Variants in GAREM2 observed in about 807,000 individuals in gnomAD.
The protein encoded by GAREM2 is GRB2 associated regulator of MAPK1 subtype 2.
A neutral mutation model predicts 55.6 loss-of-function variants in GAREM2; 30 were observed. That is an observed-to-expected ratio of 0.54 (90% CI 0.40 to 0.73). The LOEUF (loss-of-function observed/expected upper bound fraction) is 0.73. GAREM2 is among the 30% of genes least tolerant of loss of function. The probability of loss-of-function intolerance (pLI) is 0.00; values close to 1 mark genes in which losing one functional copy is unlikely to be tolerated. For missense variants in GAREM2, 1,075 were observed against 1,257.7 expected (o/e 0.85, Z 2.20); for synonymous variants, 550 against 569.1 (o/e 0.97, Z 0.48).
At position 26,188,022 on chromosome 2, in the gene GAREM2, C is replaced by A; in HGVS notation, c.2390C>A (p.Ala797Asp). Residue 797 changes from alanine to aspartate, a missense_variant, in exon 6 of 6, where the codon GCC becomes GAC. Around this residue, in one of 6 missense-constraint regions of GAREM2, gnomAD observed 142 missense variants for 172.3 expected, o/e 0.82. Coordinates refer to ENST00000401533, the MANE Select transcript of GAREM2 (RefSeq NM_001168241.2). ...DGATGFGVRD[A>D]SSWQPPADLS... is the part of the protein sequence containing the mutation. ...GCCACAGGCTTTGGAGTCCGAGATG[C>A]CTCCTCCTGGCAGCCCCCTGCTGAC... 6.7e-7 allele frequency: 1 copy of A among 1,493,170 alleles called. No individual in the cohort carries two copies. The highest frequency in any genetic ancestry group is 9.0e-7 in the Non-Finnish European group (1 of 1,112,644). The allele number at this position is 1,493,170 out of a possible 1,614,324, so 92.5% of individuals were successfully genotyped here. A position where few individuals can be genotyped will look rare whatever the true frequency, so the allele number is the denominator to read the frequency against.
chr2:26,182,908 G>A (rs987021047), intron 2 of GAREM2, 59 bp from the exon 3 acceptor site: 14 of 1,537,876 alleles, frequency 9.1e-6, no homozygotes, highest in Admixed American at 2.0e-5. Flanking sequence ...CTCTTGGGAC[G>A]CAGGCTAGAC....
the GAREM2 span, chr2:26,203,937 C>T: frequency 1.6e-5 from 15 of 953,068 alleles, no homozygotes; most frequent in African/African-American, 2.4e-4. Flanking sequence ...TCATTATGTT[C>T]AGGAAAAAGG....
At chr2:26,176,928 T>G (rs947259502) in intron 2 of GAREM2, among the ~76,000 whole-genome samples, 5 of 152,212 alleles carry the variant, frequency 3.3e-5, no homozygotes, top group Non-Finnish European at 7.3e-5. Context: ...CTCTCCGCGC[T>G]GATCCTGTTT....
At chr2:26,200,967 C>T in the GAREM2 span, among the ~76,000 whole-genome samples, 3 of 152,026 alleles carry the variant, frequency 2.0e-5, no homozygotes, top group Admixed American at 6.6e-5. Flanking sequence ...CTCCTTACCT[C>T]GTGATCCGCC....
chr2:26,204,254 G>A, the GAREM2 span: 2 of 1,506,008 alleles, frequency 1.3e-6, no homozygotes, highest in Admixed American at 3.3e-5. Context: ...TTCAGTCAAA[G>A]TGGAAGATTG....
chr2:26,184,995 C>T lies in GAREM2; in HGVS notation c.1147C>T (p.Pro383Ser), dbSNP rs1669188391. 1 of 1,128,162 alleles carries T rather than the reference C, an allele frequency of 8.9e-7. No homozygotes were observed. Among genetic ancestry groups the T allele is most frequent in the Non-Finnish European group, 1.1e-6 (1 of 922,732 alleles). 69.9% of individuals were successfully genotyped at this position (1,128,162 alleles called of 1,614,324 possible). A position where few individuals can be genotyped will look rare whatever the true frequency, so the allele number is the denominator to read the frequency against. The change falls in exon 4 of 6, where the codon CCC (proline) becomes TCC (serine). Residue 383 changes from proline to serine, a missense_variant. Physicochemically the swap from Pro to Ser is moderately conservative, Grantham distance 74. Coordinates refer to ENST00000401533, the MANE Select transcript of GAREM2 (RefSeq NM_001168241.2). Reference protein sequence around the residue: ...ASPRRARLCLPAPRAPGLARA... With the variant: ...ASPRRARLCLSAPRAPGLARA... ...CCCGCGCCGCGCGCGCCTCTGCCTG[C>T]CCGCGCCGCGCGCCCCCGGGCTCGC...
chr2:26,185,662 A>G (rs1400925177), intron 4 of GAREM2, among the ~76,000 whole-genome samples: 1 of 152,114 alleles, frequency 6.6e-6, no homozygotes, highest in Non-Finnish European at 1.5e-5. Context: ...CTCATATTGG[A>G]GTCACAGAGC....
At chr2:26,180,834 T>C in intron 2 of GAREM2, 3 of 796,262 alleles carry the variant, frequency 3.8e-6, no homozygotes, top group Non-Finnish European at 4.6e-6. Context: ...GCCAGGCTGG[T>C]CTCAAACTGC....
intron 1 of GAREM2, 35 bp downstream of exon 1, chr2:26,173,367 G>T: frequency 1.7e-6 from 2 of 1,204,244 alleles, no homozygotes; most frequent in Non-Finnish European, 2.2e-6. Flanking sequence ...ACCGGGGTCC[G>T]CGGGGAAATG....
the GAREM2 span, chr2:26,197,797 A>T: frequency 5.8e-6 from 7 of 1,216,972 alleles, no homozygotes; most frequent in East Asian, 1.6e-4. Flanking sequence ...AAAAGCATTT[A>T]ACAATGTGTC....
chr2:26,179,143 C>G lies in GAREM2; in HGVS notation c.253+2659C>G, dbSNP rs545804538. Among the ~76,000 whole-genome samples the G allele has an allele frequency of 5.8e-4, 89 of 152,258 alleles. No individual in the cohort carries two copies. The highest frequency in any genetic ancestry group is 2.0e-3 in the African/African-American group (84 of 41,546). On this transcript the variant is annotated intron_variant, in intron 2 of 5. Coordinates refer to ENST00000401533, the MANE Select transcript of GAREM2 (RefSeq NM_001168241.2). The surrounding 1 kb of genome is among the most constrained non-coding windows in gnomAD (Gnocchi z 4.7). ...GACTCGGTCTCCAGGCTGCGGCGCT[C>G]TGCTCCGGGAGTCAGGGAGACCTGG...
chr2:26,200,820 C>T, the GAREM2 span, among the ~76,000 whole-genome samples: 1 of 151,954 alleles, frequency 6.6e-6, no homozygotes, highest in African/African-American at 2.4e-5. Context: ...GCAACCTCTG[C>T]CTCCCAGGTT....
intron 3 of GAREM2, among the ~76,000 whole-genome samples, chr2:26,183,773 C>G (rs373728193): frequency 7.2e-5 from 11 of 152,306 alleles, no homozygotes; most frequent in African/African-American, 2.6e-4. Flanking sequence ...CTGCTATGTA[C>G]AGATAGTGCT....
the GAREM2 span, among the ~76,000 whole-genome samples, chr2:26,199,719 ATTAT>A: frequency 6.6e-6 from 1 of 152,086 alleles, no homozygotes; most frequent in African/African-American, 2.4e-5. Context: ...TATTTTTTAA[ATTAT>A]TTATCTTTTT....
chr2:26,193,825 CA>C, downstream of GAREM2: 1 of 1,410,158 alleles, frequency 7.1e-7, no homozygotes, highest in South Asian at 1.2e-5. Flanking sequence ...CAAATCCCCC[CA>C]AAGGGCTCCC....
the GAREM2 span, among the ~76,000 whole-genome samples, chr2:26,203,236 G>C: frequency 6.6e-6 from 1 of 152,208 alleles, no homozygotes; most frequent in East Asian, 1.9e-4. Context: ...CTGCAGAAAA[G>C]GGATAACAAC....
chr2:26,191,119 A>G, downstream of GAREM2: 1 of 896,254 alleles, frequency 1.1e-6, no homozygotes, highest in Non-Finnish European at 1.8e-6. Flanking sequence ...AGGCACTTTA[A>G]TCAGGGAGCA....
At chr2:26,173,360 G>A in intron 1 of GAREM2, 28 bp downstream of exon 1, 2 of 1,235,878 alleles carry the variant, frequency 1.6e-6, no homozygotes, top group Admixed American at 3.2e-5. Context: ...GATGGGGACC[G>A]GGGTCCGCGG....
chr2:26,192,387 C>T (rs754472544), downstream of GAREM2: 11 of 1,607,684 alleles, frequency 6.8e-6, no homozygotes, highest in East Asian at 2.2e-5. Context: ...TCTTCACACC[C>T]TCCTGATAGA....
Sources: gnomAD v4.1 joint callset for allele counts (sites outside exome capture counted in the v4.1 genomes callset) on GRCh38, gnomAD v4.1.1 for gene constraint, gnomAD v4.1.1 regional missense constraint, Gnocchi (gnomAD v3.1) non-coding constraint, MANE v1.5 for transcripts, NCBI Gene and HGNC (gene_info 2026-07-23, HGNC 2026-07-21) for gene names.